The following GRB10 variants were observed in gnomAD, a reference collection of about 807,000 sequenced individuals.
The protein encoded by GRB10 is growth factor receptor-bound protein 10.
A neutral mutation model predicts 80.9 loss-of-function variants in GRB10; 20 were observed. The observed-to-expected ratio is 0.25, with a 90% CI of 0.17 to 0.36. GRB10 has a LOEUF of 0.36. Among genes scored for constraint, GRB10 ranks in the 10% least tolerant of loss-of-function variants. The pLI, the probability that GRB10 is intolerant of heterozygous loss-of-function variation, is 1.00. For synonymous variants in GRB10, 291 were observed against 291.5 expected (o/e 1.00, Z 0.02); for missense variants, 548 against 747.7 (o/e 0.73, Z 3.12).
chr7:50,667,737 G>A (rs994320899), intron 7 of GRB10, among the ~76,000 whole-genome samples: 1 of 151,928 alleles, frequency 6.6e-6, no homozygotes, highest in Non-Finnish European at 1.5e-5. Flanking sequence ...CATCCTTCCT[G>A]GTCGTTTCTG....
intron 2 of GRB10, chr7:50,779,081 C>G (rs2051896): frequency 6.6e-6 from 1 of 152,010 alleles, no homozygotes; most frequent in East Asian, 1.9e-4. Flanking sequence ...CTAGAAAATT[C>G]TTGGTACAAA....
At chr7:50,598,336 G>A (rs7777754) in intron 17 of GRB10, among the ~76,000 whole-genome samples, 1 of 152,150 alleles carries the variant, frequency 6.6e-6, no homozygotes, top group African/African-American at 2.4e-5. Flanking sequence ...AGATGCCCAG[G>A]GAGAAGCTAA....
intron 17 of GRB10, among the ~76,000 whole-genome samples, chr7:50,598,539 G>A (rs939300444): frequency 6.6e-6 from 1 of 152,188 alleles, no homozygotes; most frequent in Non-Finnish European, 1.5e-5. Context: ...ACGTTTACAA[G>A]CAAGACACCG....
At chr7:50,614,709 A>G in intron 12 of GRB10, 61 bp downstream of exon 12, 1 of 990,002 alleles carries the variant, frequency 1.0e-6, no homozygotes, top group East Asian at 2.4e-5. Context: ...GGGCAAGAGA[A>G]GAAGTCAGTC....
chr7:50,613,432 G>A (rs2049948188), intron 12 of GRB10, among the ~76,000 whole-genome samples: 1 of 152,138 alleles, frequency 6.6e-6, no homozygotes, highest in Admixed American at 6.5e-5. Context: ...AGGCACCATG[G>A]GGAGAAGACA....
intron 3 of GRB10, among the ~76,000 whole-genome samples, chr7:50,737,975 C>T (rs1377001733): frequency 6.6e-6 from 1 of 152,210 alleles, no homozygotes; most frequent in Non-Finnish European, 1.5e-5. Context: ...ATAGACTTTT[C>T]TCCAAAGAAG....
Position 50,604,356 on chromosome 7 carries a change from T to G in GRB10, c.1411A>C (p.Ile471Leu), listed in dbSNP as rs1211175209. ...AWRKRSTRMN[I>L]LGSQSPLHPS... ...TGGAGGGGACTTTGGCTACCTAGGA[T>G]GTTCATCCGTGTGCTTCGCTTCTGC... The change falls in exon 16 of 19, where the codon ATC becomes CTC. Residue 471 changes from isoleucine (I) to leucine (L), a missense_variant. Ile to Leu is a conservative substitution (Grantham distance 5). This residue lies in a region of GRB10 where 270 missense variants were observed against 433.6 expected (regional missense o/e 0.62). Transcript: ENST00000401949. The G allele has an allele frequency of 1.2e-6, 2 of 1,613,378 alleles. No individual in the cohort carries two copies.
intron 5 of GRB10, among the ~76,000 whole-genome samples, chr7:50,692,501 G>C (rs1410345983): frequency 6.6e-6 from 1 of 152,100 alleles, no homozygotes; most frequent in African/African-American, 2.4e-5. Flanking sequence ...AGGCACAGCA[G>C]GAAGACAGGG....
At chr7:50,651,429 G>A (rs192038380) in intron 7 of GRB10, among the ~76,000 whole-genome samples, 98 of 152,182 alleles carry the variant, frequency 6.4e-4, no homozygotes, top group Admixed American at 3.1e-3. Context: ...TGGCATTCTC[G>A]TCCCGTGTCT....
chr7:50,742,265 GCGCGCGCACACACACACACACACACACA>G (rs1242728053), intron 3 of GRB10, among the ~76,000 whole-genome samples: 277 of 138,836 alleles, frequency 2.0e-3, no homozygotes, highest in Middle Eastern at 3.5e-3. Flanking sequence ...ACGCGCACGC[GCGCGCGCACACACACACACACACACACA>G]CACACACACA....
chr7:50,650,508 T>C (rs1312502414), intron 7 of GRB10, among the ~76,000 whole-genome samples: 3 of 152,152 alleles, frequency 2.0e-5, no homozygotes, highest in Non-Finnish European at 2.9e-5. Context: ...GATTCTGGAA[T>C]GAGGATGAAA....
chr7:50,630,709 G>A (rs1303504995), intron 7 of GRB10, among the ~76,000 whole-genome samples: 1 of 152,096 alleles, frequency 6.6e-6, no homozygotes, highest in Non-Finnish European at 1.5e-5. Flanking sequence ...ATAGCAAATT[G>A]TTTTTAAAAA....
At chr7:50,717,503 T>C (rs540030594) in intron 4 of GRB10, among the ~76,000 whole-genome samples, 2 of 152,348 alleles carry the variant, frequency 1.3e-5, no homozygotes, top group Non-Finnish European at 2.9e-5. Context: ...TATATGTATA[T>C]ATACATAAAT....
chr7:50,731,777 G>A (rs931240452), intron 4 of GRB10, among the ~76,000 whole-genome samples: 2 of 152,214 alleles, frequency 1.3e-5, no homozygotes, highest in African/African-American at 4.8e-5. Context: ...GGAAAGGAAA[G>A]AGCCAATCTG....
At chr7:50,615,540 C>T (rs1300140151) in intron 11 of GRB10, among the ~76,000 whole-genome samples, 1 of 152,226 alleles carries the variant, frequency 6.6e-6, no homozygotes, top group Non-Finnish European at 1.5e-5. Context: ...TTCCCAGATG[C>T]TCAACACCTG....
chr7:50,626,885 T>C lies in GRB10; in HGVS notation c.598A>G (p.Lys200Glu). The C allele has an allele frequency of 6.2e-7, 1 of 1,614,192 alleles. No individual in the cohort carries two copies. Among genetic ancestry groups the C allele is most frequent in the East Asian group, 2.2e-5 (1 of 44,878 alleles). The change falls in exon 8 of 19, where the codon AAA (lysine) becomes GAA (glutamate). Residue 200 changes from lysine to glutamate, a missense_variant. Lys to Glu is a moderately conservative substitution (Grantham distance 56, BLOSUM62 1). Around this residue, in one of 4 missense-constraint regions of GRB10, gnomAD observed 270 missense variants for 433.6 expected, o/e 0.62. Coordinates refer to ENST00000401949, the MANE Select transcript of GRB10 (RefSeq NM_001350814.2). ...ARDLCQLLVY[K>E]SHCVDDNSWT... Reference sequence around the variant, plus strand: ...CTGTTGTCATCCACACAGTGACTTTTGTAAACCAGCAATTGGCACAGGTCT... The same window carrying C: ...CTGTTGTCATCCACACAGTGACTTTCGTAAACCAGCAATTGGCACAGGTCT...
At chr7:50,661,562 T>C (rs1453702114) in intron 7 of GRB10, among the ~76,000 whole-genome samples, 2 of 152,228 alleles carry the variant, frequency 1.3e-5, no homozygotes, top group Non-Finnish European at 2.9e-5. Flanking sequence ...TACTATACTT[T>C]TTCTTCACCG....
At chr7:50,742,314 C>T (rs563730211) in intron 3 of GRB10, among the ~76,000 whole-genome samples, 46 of 148,020 alleles carry the variant, frequency 3.1e-4, no homozygotes, top group African/African-American at 1.0e-3. Flanking sequence ...CACACACACA[C>T]ATACACGGCA....
At chr7:50,732,807 C>A (rs1424975604) in intron 3 of GRB10, among the ~76,000 whole-genome samples, 1 of 152,152 alleles carries the variant, frequency 6.6e-6, no homozygotes, top group Non-Finnish European at 1.5e-5. Flanking sequence ...GACCACAGAA[C>A]ATCATTTGAG....
Sources: allele counts gnomAD v4.1 joint callset (sites outside exome capture counted in the v4.1 genomes callset), GRCh38; gene constraint gnomAD v4.1.1; regional missense constraint gnomAD v4.1.1; transcripts MANE v1.5; gene names NCBI Gene and HGNC (gene_info 2026-07-23, HGNC 2026-07-21).